The following HUWE1 variants were observed in gnomAD, a reference collection of about 807,000 sequenced individuals.
HUWE1 encodes the protein E3 ubiquitin-protein ligase HUWE1.
HUWE1 carries 18 observed loss-of-function variants against 299.4 expected under a neutral mutation model. That is an observed-to-expected ratio of 0.06 (90% confidence interval 0.04 to 0.09). The LOEUF (loss-of-function observed/expected upper bound fraction) is 0.09, where lower values mean the gene tolerates loss of function less well. HUWE1 is among the 10% of genes least tolerant of loss of function. The probability of loss-of-function intolerance (pLI) is 1.00; values close to 1 mark genes in which losing one functional copy is unlikely to be tolerated. For missense variants in HUWE1, 1,832 were observed against 3,462.3 expected (o/e 0.53, Z 11.82); for synonymous variants, 1,317 against 1,286.1 (o/e 1.02, Z -0.51).
intron 3 of HUWE1, among the ~76,000 whole-genome samples, chrX:53,658,488 G>C (rs1373192787): frequency 9.0e-6 from 1 of 111,705 alleles, no homozygotes; most frequent in Non-Finnish European, 1.9e-5. Flanking sequence ...CAGTAAGTAA[G>C]AGTACTGTAC....
intron 66 of HUWE1, 104 bp downstream of exon 66, chrX:53,550,562 C>T: frequency 2.8e-6 from 2 of 704,872 alleles, no homozygotes; most frequent in South Asian, 4.5e-5. Flanking sequence ...GAGAGACCAT[C>T]CATCCTGCCT....
At chrX:53,609,728 G>C (rs1247089029) in intron 23 of HUWE1, among the ~76,000 whole-genome samples, 2 of 112,043 alleles carry the variant, frequency 1.8e-5, no homozygotes, top group African/African-American at 3.3e-5. Context: ...GAGTATTTTG[G>C]ACACAGGCCC....
chrX:53,657,434 G>A (rs983034632), intron 3 of HUWE1, among the ~76,000 whole-genome samples: 8 of 111,839 alleles, frequency 7.2e-5, no homozygotes, highest in Non-Finnish European at 3.8e-5. Context: ...GCTGAGGCAG[G>A]AGAATTGCTT....
At chrX:53,607,372 A>G in intron 25 of HUWE1, 151 bp downstream of exon 25, 2 of 493,655 alleles carry the variant, frequency 4.1e-6, no homozygotes, top group South Asian at 3.5e-5. Flanking sequence ...GGCACACTAT[A>G]TATTAGTCAC....
At position 53,600,257 on chromosome X, in the gene HUWE1, T is replaced by C. The variant is rs782365223; in HGVS notation, c.3024A>G (p.Leu1008=). Residue 1008 remains leucine, a synonymous_variant, in exon 29 of 84, where the codon TTA becomes TTG. Coordinates refer to ENST00000262854, the MANE Select transcript of HUWE1 (RefSeq NM_031407.7). The part of the protein sequence containing the change: ...AGSMDASTQG[L]LEGIGLDGDT... ...CACCATCTAGCCCAATGCCTTCTAA[T>C]AAGCCCTGGGTAGAAGCATCCATAC... 14 of 1,208,612 alleles carry C rather than the reference T, an allele frequency of 1.2e-5. No homozygotes were observed. Among genetic ancestry groups the C allele is most frequent in the Non-Finnish European group, 4.5e-6 (4 of 893,979 alleles).
intron 3 of HUWE1, among the ~76,000 whole-genome samples, chrX:53,677,689 C>T (rs782209324): frequency 9.2e-6 from 1 of 108,907 alleles, no homozygotes. Flanking sequence ...AAATAATGTA[C>T]CCAAAGTAAT....
At chrX:53,659,789 C>A (rs1362030460) in intron 3 of HUWE1, among the ~76,000 whole-genome samples, 1 of 111,642 alleles carries the variant, frequency 9.0e-6, no homozygotes, top group African/African-American at 3.3e-5. Flanking sequence ...TGTGTGGAGG[C>A]AGGCAGTATA....
chrX:53,625,835 GGGGCCGGGGCCGGGGCCA>G (rs1176817623), intron 17 of HUWE1: 10 of 129,633 alleles, frequency 7.7e-5, no homozygotes, highest in South Asian at 5.7e-4. Flanking sequence ...GACCAGGACC[GGGGCCGGGGCCGGGGCCA>G]GGGCCGGGGC....
rs138959030 is a variant in HUWE1, at chrX:53,560,214, C to T, written c.7710G>A (p.Gln2570=). The change falls in exon 56 of 84, where the codon CAG becomes CAA. Residue 2570 remains glutamine (Q), a synonymous_variant. Coordinates refer to ENST00000262854, the MANE Select transcript of HUWE1 (RefSeq NM_031407.7). ...TIHVHYPGNR[Q]PNPPLILQRL... Reference sequence around the variant, plus strand: ...TCTGCAGTATAAGAGGAGGGTTGGGCTGGCGATTCCCAGGGTAGTGAACAT... The same window carrying T: ...TCTGCAGTATAAGAGGAGGGTTGGGTTGGCGATTCCCAGGGTAGTGAACAT... 7.5e-6 allele frequency: 9 copies of T among 1,193,515 alleles called. No individual in the cohort carries two copies. Among genetic ancestry groups the T allele is most frequent in the Non-Finnish European group, 9.0e-6 (8 of 886,864 alleles).
chrX:53,647,825 A>G (rs1557037125), intron 5 of HUWE1, among the ~76,000 whole-genome samples: 1 of 112,112 alleles, frequency 8.9e-6, no homozygotes, highest in Non-Finnish European at 1.9e-5. Flanking sequence ...TAGATGGAGA[A>G]CTCCGGTTAC....
chrX:53,575,225 A>T lies in HUWE1; in HGVS notation c.6031-4T>A, dbSNP rs139283158. 2,653 of 1,185,785 alleles carry T rather than the reference A, an allele frequency of 2.2e-3. 45 individuals are homozygous for T. In the African/African-American group the frequency reaches 0.042, roughly 19 times the overall value. On this transcript the variant is annotated splice_polypyrimidine_tract_variant and splice_region_variant and intron_variant, in intron 45 of 83. Transcript: ENST00000262854. ...CATCTGCAGCAAAGACCTGACTCTG[A>T]AGAAGAAGAAAACTCCTGAGCTATT...
intron 16 of HUWE1, 48 bp downstream of exon 16, chrX:53,627,691 A>G (rs1557019108): frequency 1.8e-6 from 2 of 1,106,113 alleles, no homozygotes; most frequent in African/African-American, 1.8e-5. Flanking sequence ...CCTTAGGTTC[A>G]GCTCTGAGTA....
intron 21 of HUWE1, 27 bp downstream of exon 21, chrX:53,616,943 A>C: frequency 8.6e-7 from 1 of 1,156,080 alleles, no homozygotes. Flanking sequence ...TCAATTTTCT[A>C]CTATAAAATA....
intron 19 of HUWE1, among the ~76,000 whole-genome samples, chrX:53,619,928 CCT>C (rs1358578739): frequency 1.8e-5 from 2 of 112,051 alleles, no homozygotes; most frequent in Non-Finnish European, 3.8e-5. Flanking sequence ...TTCTTTGTGC[CCT>C]GTCGTGCCAT....
chrX:53,644,865 C>T (rs920285186), intron 7 of HUWE1, among the ~76,000 whole-genome samples: 5 of 111,824 alleles, frequency 4.5e-5, no homozygotes, highest in Non-Finnish European at 7.5e-5. Context: ...ACAATCACTA[C>T]GACTTACTGA....
intron 17 of HUWE1, among the ~76,000 whole-genome samples, chrX:53,626,625 T>A (rs1412847583): frequency 3.6e-5 from 4 of 111,893 alleles, no homozygotes; most frequent in African/African-American, 1.3e-4. Flanking sequence ...AAGTGAGCAT[T>A]CATTTTTACT....
Position 53,604,705 on chromosome X carries a change from A to C in HUWE1, c.2626T>G (p.Cys876Gly). The C allele has an allele frequency of 8.3e-7, 1 of 1,211,925 alleles. No individual in the cohort carries two copies. The highest frequency in any genetic ancestry group is 1.8e-5 in the South Asian group (1 of 57,000). ...GTAGCATCAGCAACATTGCCTGCGC[A>C]AGCCAGTTCTCGCAACAACACTGAG... ...GGSVLLRELA[C>G]AGNVADATLS... The change falls in exon 26 of 84, where the codon TGC becomes GGC. Residue 876 changes from cysteine (C) to glycine (G), a missense_variant. This residue lies in a region of HUWE1 where 658 missense variants were observed against 1,282.6 expected (regional missense o/e 0.51). Transcript: ENST00000262854.
intron 3 of HUWE1, among the ~76,000 whole-genome samples, chrX:53,679,562 G>A (rs1184841827): frequency 1.8e-5 from 2 of 111,582 alleles, no homozygotes; most frequent in African/African-American, 6.5e-5. Flanking sequence ...GGCCAAGAAG[G>A]GAGGATGGCT....
chrX:53,661,159 C>G (rs189850136), intron 3 of HUWE1, among the ~76,000 whole-genome samples: 1 of 109,023 alleles, frequency 9.2e-6, no homozygotes, highest in African/African-American at 3.3e-5. Flanking sequence ...CTCAGCCTCC[C>G]GAGTAGCTGG....
Sources: gnomAD v4.1 joint callset for allele counts (sites outside exome capture counted in the v4.1 genomes callset) on GRCh38, gnomAD v4.1.1 for gene constraint, gnomAD v4.1.1 regional missense constraint, MANE v1.5 for transcripts, NCBI Gene and HGNC (gene_info 2026-07-23, HGNC 2026-07-21) for gene names.